The following ZNF705G variants were observed in gnomAD, a reference collection of about 807,000 sequenced individuals.
ZNF705G encodes the protein zinc finger protein 705G, also known as putative zinc finger protein 705G.
In ZNF705G, 23 loss-of-function variants were observed where a neutral mutation model predicts 19.6. That is an observed-to-expected ratio of 1.17 (90% CI 0.84 to 1.66). The LOEUF is 1.66. Ranked by LOEUF, ZNF705G falls within the 40% of genes most tolerant of loss-of-function variation. The pLI is 0.00. For synonymous variants in ZNF705G, 146 were observed against 117.7 expected, an observed-to-expected ratio of 1.24 and a Z score of -1.56; for missense variants, 457 against 354.4, an observed-to-expected ratio of 1.29 and a Z score of -2.32.
chr8:7,366,592 G>A (rs3989717), intron 2 of ZNF705G, among the ~76,000 whole-genome samples: 6 of 149,582 alleles, frequency 4.0e-5, no homozygotes, highest in Non-Finnish European at 7.4e-5. Flanking sequence ...TAATACCTGA[G>A]TATAGTACGT....
intron 2 of ZNF705G, among the ~76,000 whole-genome samples, chr8:7,368,029 G>T (rs1458544670): frequency 6.7e-6 from 1 of 149,556 alleles, no homozygotes; most frequent in South Asian, 2.1e-4. Context: ...TTTCCCCAAG[G>T]TCTTAAAGTC....
intron 2 of ZNF705G, among the ~76,000 whole-genome samples, chr8:7,380,201 G>A (rs1423187836): frequency 1.4e-5 from 2 of 143,180 alleles, no homozygotes; most frequent in Non-Finnish European, 3.0e-5. Flanking sequence ...CAGGGCCACT[G>A]CACACCTGCA....
At chr8:7,371,046 C>G (rs1215616522) in intron 2 of ZNF705G, among the ~76,000 whole-genome samples, 1 of 136,312 alleles carries the variant, frequency 7.3e-6, no homozygotes, top group Admixed American at 7.5e-5. Context: ...GGGAACAACA[C>G]ACACTGGGGC....
intron 2 of ZNF705G, among the ~76,000 whole-genome samples, chr8:7,378,996 C>T (rs9720513): frequency 2.7e-5 from 4 of 149,778 alleles, no homozygotes; most frequent in Admixed American, 2.6e-4. Flanking sequence ...TCACAATTTT[C>T]CTCCATTTAG....
chr8:7,370,146 C>T (rs1807036021), intron 2 of ZNF705G, among the ~76,000 whole-genome samples: 1 of 148,110 alleles, frequency 6.8e-6, no homozygotes, highest in Non-Finnish European at 1.5e-5. Context: ...TGCCGGGTGC[C>T]TGTAGTCCCA....
chr8:7,382,348 C>A (rs1202537374), intron 1 of ZNF705G, among the ~76,000 whole-genome samples: 1 of 147,230 alleles, frequency 6.8e-6, no homozygotes, highest in Non-Finnish European at 1.5e-5. Flanking sequence ...AAAGTCTTCA[C>A]AATAATTTTG....
intron 6 of ZNF705G, among the ~76,000 whole-genome samples, chr8:7,358,967 C>T (rs1345818959): frequency 1.1e-4 from 16 of 149,672 alleles, no homozygotes; most frequent in Admixed American, 7.2e-4. Context: ...GTCTCCCTGC[C>T]CCATTTTGCC....
At chr8:7,360,559 A>G (rs1254920357) in intron 4 of ZNF705G, among the ~76,000 whole-genome samples, 1 of 149,354 alleles carries the variant, frequency 6.7e-6, no homozygotes, top group Non-Finnish European at 1.5e-5. Context: ...AACAGTCAGG[A>G]CCTATGAATG....
rs193060127 is a variant in ZNF705G at position 7,359,639 on chromosome 8, C to G, written c.298G>C (p.Ala100Pro). 1 of 1,606,456 alleles carries G rather than the reference C, an allele frequency of 6.2e-7. No homozygotes were observed. Among genetic ancestry groups the G allele is most frequent in the Admixed American group, 1.7e-5 (1 of 59,876 alleles). The change falls in exon 6 of 7, where the codon GCA (alanine) becomes CCA (proline). Residue 100 changes from alanine (A) to proline (P), a missense_variant. Transcript: ENST00000400156. ...CTTACCATTGTCATACTGGTGGATG[C>G]GTCTTTTCTGGTGATAGGATGCATG... ...ISMHPITRKDASTSMTMENSL... is the reference protein window; with the variant it reads ...ISMHPITRKDPSTSMTMENSL...
At chr8:7,382,520 A>T (rs1198985430) in intron 1 of ZNF705G, among the ~76,000 whole-genome samples, 1 of 146,602 alleles carries the variant, frequency 6.8e-6, no homozygotes, top group African/African-American at 2.8e-5. Context: ...CCTTTTGGAA[A>T]TATAAAGAAA....
chr8:7,382,870 G>T (rs1345228674), intron 1 of ZNF705G, among the ~76,000 whole-genome samples: 1 of 146,870 alleles, frequency 6.8e-6, no homozygotes, highest in Non-Finnish European at 1.5e-5. Flanking sequence ...TGAATTCTGA[G>T]ATTTTAGTAC....
chr8:7,362,257 C>G (rs1340732523), intron 3 of ZNF705G, among the ~76,000 whole-genome samples: 2 of 149,734 alleles, frequency 1.3e-5, no homozygotes, highest in Admixed American at 6.6e-5. Flanking sequence ...GTTACTTTTA[C>G]TTACCAGAAG....
chr8:7,357,939 A>C lies in ZNF705G; in HGVS notation c.*37T>G. ...CTGAAGGCTTTCCCACATAAATGGC[A>C]TTCATATGGCTTTTCTCCAGTGCGT... On this transcript the variant is annotated 3_prime_UTR_variant, in exon 7 of 7. Coordinates refer to ENST00000400156, the MANE Select transcript of ZNF705G (RefSeq NM_001164457.3). 6.2e-7 allele frequency: 1 copy of C among 1,606,558 alleles called. No individual in the cohort carries two copies. Among genetic ancestry groups the C allele is most frequent in the Non-Finnish European group, 8.5e-7 (1 of 1,179,084 alleles).
In ZNF705G at chr8:7,356,659, G is replaced by C. The variant is rs1329741837; in HGVS notation, c.*1317C>G. 1.3e-5 allele frequency: 2 copies of C among 149,656 alleles called. No individual in the cohort carries two copies. Among genetic ancestry groups the C allele is most frequent in the Non-Finnish European group, 2.9e-5 (2 of 68,080 alleles). The allele number at this position is 149,656 out of a possible 1,614,324, so 9.3% of individuals were successfully genotyped here. A position where few individuals can be genotyped will look rare whatever the true frequency, so the allele number is the denominator to read the frequency against. On this transcript the variant is annotated 3_prime_UTR_variant, in exon 7 of 7. Transcript: ENST00000400156. Reference sequence around the variant, plus strand: ...TGAAGTAAAGGGAGGTGAGCTGTGAGGAAAGAGCTGTTGAAGACTGGGGAG... The same window carrying C: ...TGAAGTAAAGGGAGGTGAGCTGTGACGAAAGAGCTGTTGAAGACTGGGGAG...
intron 2 of ZNF705G, among the ~76,000 whole-genome samples, chr8:7,368,246 T>C (rs559008489): frequency 6.6e-4 from 99 of 149,612 alleles, no homozygotes; most frequent in Non-Finnish European, 1.1e-3. Flanking sequence ...AACCCTCACA[T>C]AAAGTTGGAA....
At chr8:7,364,384 T>G (rs1369289061) in intron 2 of ZNF705G, among the ~76,000 whole-genome samples, 1 of 149,740 alleles carries the variant, frequency 6.7e-6, no homozygotes, top group Non-Finnish European at 1.5e-5. Context: ...AAGAGTAACT[T>G]TGTATTAATT....
chr8:7,355,991 T>C lies in ZNF705G; in HGVS notation c.*1985A>G, dbSNP rs1293357108. 1.3e-5 allele frequency: 2 copies of C among 149,538 alleles called. No individual in the cohort carries two copies. Among genetic ancestry groups the C allele is most frequent in the African/African-American group, 5.1e-5 (2 of 38,912 alleles). 9.3% of individuals were successfully genotyped at this position (149,538 alleles called of 1,614,324 possible). A position where few individuals can be genotyped will look rare whatever the true frequency, so the allele number is the denominator to read the frequency against. On this transcript the variant is annotated 3_prime_UTR_variant, in exon 7 of 7. Coordinates refer to ENST00000400156, the MANE Select transcript of ZNF705G (RefSeq NM_001164457.3). ...AACCATGGATAAGGCCATTTAGCCT[T>C]AGTAAGGCCGATCGTATTAAGATTG... is the stretch of plus-strand genomic sequence containing the variant.
intron 2 of ZNF705G, among the ~76,000 whole-genome samples, chr8:7,368,787 G>T (rs1354170850): frequency 6.7e-6 from 1 of 149,562 alleles, no homozygotes; most frequent in Non-Finnish European, 1.5e-5. Context: ...AGCAATCTAG[G>T]TCTCAGCCAC....
intron 4 of ZNF705G, 48 bp downstream of exon 4, chr8:7,361,062 A>G: frequency 1.9e-6 from 3 of 1,592,616 alleles, no homozygotes; most frequent in Non-Finnish European, 2.5e-6. Flanking sequence ...TATTGAATGA[A>G]TGAGTGAATG....
Sources: allele counts gnomAD v4.1 joint callset (sites outside exome capture counted in the v4.1 genomes callset), GRCh38; gene constraint gnomAD v4.1.1; transcripts MANE v1.5; gene names NCBI Gene and HGNC (gene_info 2026-07-23, HGNC 2026-07-21).